Variants in NWD1 observed in about 807,000 individuals in gnomAD.
NWD1 encodes the protein NACHT and WD repeat domain containing 1.
Under a neutral mutation model 135.1 loss-of-function variants are expected in NWD1, and 129 were observed. The ratio of observed to expected loss-of-function variants is 0.96; its 90% CI spans 0.83 to 1.11. The LOEUF (loss-of-function observed/expected upper bound fraction) is 1.11. Ranked by LOEUF, NWD1 falls within the 50% of genes least tolerant of loss-of-function variation. The pLI, the probability that NWD1 is intolerant of heterozygous loss-of-function variation, is 0.00. For missense variants in NWD1, 1,740 were observed against 1,851.3 expected, an observed-to-expected ratio of 0.94 and a Z score of 1.10; for synonymous variants, 773 against 786.0, an observed-to-expected ratio of 0.98 and a Z score of 0.28.
intron 5 of NWD1, among the ~76,000 whole-genome samples, chr19:16,747,652 C>T (rs747848859): frequency 1.6e-4 from 25 of 152,210 alleles, no homozygotes; most frequent in Non-Finnish European, 2.5e-4. Flanking sequence ...AGATTACAGG[C>T]ATGAACTACA....
intron 2 of NWD1, among the ~76,000 whole-genome samples, chr19:16,728,887 C>T (rs1036127771): frequency 4.8e-5 from 7 of 144,488 alleles, no homozygotes; most frequent in African/African-American, 7.8e-5. Flanking sequence ...GAGCTTGCAG[C>T]GAGCCGAGAT....
intron 13 of NWD1, among the ~76,000 whole-genome samples, chr19:16,790,313 G>A (rs1970196794): frequency 6.6e-6 from 1 of 152,004 alleles, no homozygotes; most frequent in East Asian, 1.9e-4. Context: ...ATAGTGCTTA[G>A]CACACTGTAA....
chr19:16,803,614 A>T (rs1970665769), intron 17 of NWD1, among the ~76,000 whole-genome samples: 1 of 152,072 alleles, frequency 6.6e-6, no homozygotes, highest in Non-Finnish European at 1.5e-5. Flanking sequence ...AACTTCAATC[A>T]GGTGGAAACT....
At chr19:16,786,260 G>A (rs184858353) in intron 12 of NWD1, among the ~76,000 whole-genome samples, 86 of 151,808 alleles carry the variant, frequency 5.7e-4, no homozygotes, top group Non-Finnish European at 9.6e-4. Flanking sequence ...CTCCCACTTC[G>A]GCCCCTGAAA....
At chr19:16,725,170 T>C (rs1165884128) in intron 2 of NWD1, among the ~76,000 whole-genome samples, 2 of 150,626 alleles carry the variant, frequency 1.3e-5, no homozygotes, top group Admixed American at 6.6e-5. Context: ...TGCACCACCA[T>C]GGCCAGCTAA....
At chr19:16,745,175 G>C (rs1251181699) in intron 5 of NWD1, 5 of 414,088 alleles carry the variant, frequency 1.2e-5, no homozygotes, top group Non-Finnish European at 2.4e-5. Context: ...CCAAGCGAAA[G>C]GGGAAATTCC....
At position 16,767,982 on chromosome 19, in the gene NWD1, CTTTTTTT is replaced by C. The variant is rs963453075; in HGVS notation, c.2410+2809_2410+2815del. 3.1e-4 allele frequency among the ~76,000 whole-genome samples: 26 copies of C among 83,592 alleles called. No homozygotes were observed. In the South Asian group the frequency reaches 6.9e-3, roughly 22 times the overall value. 54.8% of individuals were successfully genotyped at this position (83,592 alleles called of 152,430 possible). ...TGTAGCATATGTCAGAATTTCCTTC[CTTTTTTT>C]TTTTTTTTTTTTTTTTTTGCACGAC... On this transcript the variant is annotated intron_variant, in intron 10 of 18. Coordinates refer to ENST00000524140, the MANE Select transcript of NWD1 (RefSeq NM_001007525.5).
rs142946514 is a variant in NWD1 at position 16,803,076 on chromosome 19, T to C, written c.3736+2914T>C. Reference sequence around the variant, plus strand: ...GGCAGAAGGCAAATGAGGAGCAAAGTCACGTCTTACATGGTGGCAGGCAAG... The same window carrying C: ...GGCAGAAGGCAAATGAGGAGCAAAGCCACGTCTTACATGGTGGCAGGCAAG... On this transcript the variant is annotated intron_variant, in intron 17 of 18. Transcript: ENST00000524140. Among the ~76,000 whole-genome samples, 844 of 152,034 alleles carry C rather than the reference T, an allele frequency of 5.6e-3. 2 individuals carry two copies. The highest frequency in any genetic ancestry group is 7.8e-3 in the Non-Finnish European group (530 of 67,982).
chr19:16,794,443 G>A lies in NWD1; in HGVS notation c.3214-20G>A, dbSNP rs1476453115. The A allele has an allele frequency of 5.4e-6, 8 of 1,476,100 alleles. No individual in the cohort carries two copies. The South Asian group carries it at 8.0e-5, about 15-fold the overall frequency. 91.4% of individuals were successfully genotyped at this position (1,476,100 alleles called of 1,614,324 possible). On this transcript the variant is annotated intron_variant, in intron 14 of 18. Transcript: ENST00000524140. ...CTTAACCCGTGGAAGTGCCTGACAG[G>A]CATCCCTGGTTCTGCACAGGTTTCC...
chr19:16,741,838 C>T (rs1175230107), intron 4 of NWD1, among the ~76,000 whole-genome samples: 5 of 151,928 alleles, frequency 3.3e-5, no homozygotes, highest in African/African-American at 4.8e-5. Context: ...TGGCTGGGCC[C>T]GGTGGCTCCT....
chr19:16,804,323 G>A (rs964591672), intron 17 of NWD1, among the ~76,000 whole-genome samples: 3 of 152,128 alleles, frequency 2.0e-5, no homozygotes, highest in African/African-American at 4.8e-5. Flanking sequence ...GCTCATGCCT[G>A]TAATCCCAGC....
At chr19:16,808,168 G>T in intron 18 of NWD1, 32 bp downstream of exon 18, 2 of 1,597,394 alleles carry the variant, frequency 1.3e-6, no homozygotes, top group South Asian at 2.2e-5. Flanking sequence ...GTTCATGCTA[G>T]ACCCAGGCAT....
intron 5 of NWD1, among the ~76,000 whole-genome samples, chr19:16,748,914 T>C (rs1968432624): frequency 6.6e-6 from 1 of 152,106 alleles, no homozygotes. Context: ...CCTTGGCTTG[T>C]TGCAAATGCA....
At chr19:16,800,850 T>C (rs1970582821) in intron 17 of NWD1, among the ~76,000 whole-genome samples, 1 of 152,138 alleles carries the variant, frequency 6.6e-6, no homozygotes, top group Non-Finnish European at 1.5e-5. Flanking sequence ...GCATTTAATA[T>C]CCGGCTGGCC....
chr19:16,754,420 C>T (rs1173804735), intron 6 of NWD1, among the ~76,000 whole-genome samples: 1 of 150,828 alleles, frequency 6.6e-6, no homozygotes, highest in African/African-American at 2.4e-5. Context: ...ATCCGTCTAT[C>T]CGCCCATCAT....
At chr19:16,727,217 G>A (rs1230480812) in intron 2 of NWD1, 3 of 152,308 alleles carry the variant, frequency 2.0e-5, no homozygotes, top group Admixed American at 6.5e-5. Context: ...TTGCTATGGT[G>A]ACTACTGCGC....
intron 12 of NWD1, among the ~76,000 whole-genome samples, chr19:16,786,786 A>G (rs1970055098): frequency 6.6e-6 from 1 of 152,114 alleles, no homozygotes; most frequent in African/African-American, 2.4e-5. Flanking sequence ...TCCTGAGCTC[A>G]GGCGATCTGC....
At chr19:16,765,471 C>T (rs1969189392) in intron 10 of NWD1, among the ~76,000 whole-genome samples, 2 of 152,050 alleles carry the variant, frequency 1.3e-5, no homozygotes, top group Non-Finnish European at 2.9e-5. Context: ...GTAGCTAGGA[C>T]CACAGGTATG....
At chr19:16,779,842 C>G (rs1969794308) in intron 12 of NWD1, among the ~76,000 whole-genome samples, 1 of 152,000 alleles carries the variant, frequency 6.6e-6, no homozygotes, top group Non-Finnish European at 1.5e-5. Flanking sequence ...TGCTATGTTG[C>G]CCAGGCTGGT....
Sources: allele counts gnomAD v4.1 joint callset (sites outside exome capture counted in the v4.1 genomes callset), GRCh38; gene constraint gnomAD v4.1.1; transcripts MANE v1.5; gene names NCBI Gene and HGNC (gene_info 2026-07-23, HGNC 2026-07-21).